NTN1: variants seen among roughly 807,000 people sequenced by gnomAD.
The protein encoded by NTN1 is netrin 1, also known as netrin-1.
A neutral mutation model predicts 54.2 loss-of-function variants in NTN1; 11 were observed. That is an observed-to-expected ratio of 0.20 (90% CI 0.13 to 0.34). NTN1 has a LOEUF of 0.34. Ranked by LOEUF, NTN1 falls within the 10% of genes least tolerant of loss-of-function variation. The pLI is 1.00. For synonymous variants in NTN1, 371 were observed against 382.0 expected (o/e 0.97, Z 0.33); for missense variants, 740 against 893.1 (o/e 0.83, Z 2.18).
intron 2 of NTN1, among the ~76,000 whole-genome samples, chr17:9,095,974 T>G (rs2092130833): frequency 6.6e-6 from 1 of 151,876 alleles, no homozygotes; most frequent in South Asian, 2.1e-4. Context: ...TTTTGTATTT[T>G]TTAGTAGAGA....
At chr17:9,162,597 T>C (rs1468570440) in intron 2 of NTN1, among the ~76,000 whole-genome samples, 3 of 152,202 alleles carry the variant, frequency 2.0e-5, no homozygotes, top group Non-Finnish European at 4.4e-5. Flanking sequence ...ATAAGAATTT[T>C]GGGAGAACCT....
chr17:9,217,369 T>C (rs1905238188), intron 5 of NTN1, among the ~76,000 whole-genome samples: 1 of 152,210 alleles, frequency 6.6e-6, no homozygotes, highest in South Asian at 2.1e-4. Context: ...GGCACTAGTG[T>C]GAATGTTCAG....
At chr17:9,234,746 G>A (rs776461867) in intron 6 of NTN1, among the ~76,000 whole-genome samples, 7 of 152,326 alleles carry the variant, frequency 4.6e-5, no homozygotes, top group Admixed American at 3.9e-4. Context: ...ACTCTGGGAC[G>A]CAGCCGTTGA....
chr17:9,123,930 C>T (rs1445951838), intron 2 of NTN1, among the ~76,000 whole-genome samples: 2 of 152,158 alleles, frequency 1.3e-5, no homozygotes, highest in Admixed American at 6.5e-5. Flanking sequence ...ACCGGGAGCG[C>T]TTACTGTCCT....
intron 2 of NTN1, among the ~76,000 whole-genome samples, chr17:9,072,484 T>A (rs929417234): frequency 2.0e-5 from 3 of 152,122 alleles, no homozygotes; most frequent in East Asian, 1.9e-4. Context: ...CAAAAAGCTT[T>A]GAGAGGTGGG....
intron 2 of NTN1, among the ~76,000 whole-genome samples, chr17:9,053,420 T>C (rs2142200769): frequency 6.6e-6 from 1 of 152,338 alleles, no homozygotes; most frequent in South Asian, 2.1e-4. Flanking sequence ...TTATTAGAAA[T>C]TAATCAATTA....
In NTN1 at chr17:9,227,575, A is replaced by G. The variant is rs1260595833; in HGVS notation, c.1486+6333A>G. On this transcript the variant is annotated intron_variant, in intron 6 of 6. Transcript: ENST00000173229. Reference sequence around the variant, plus strand: ...CAGGCACACACACTATCACACACACACATCACACACGCATGCATACACACA... The same window carrying G: ...CAGGCACACACACTATCACACACACGCATCACACACGCATGCATACACACA... 2.1e-5 allele frequency among the ~76,000 whole-genome samples: 3 copies of G among 141,956 alleles called. No homozygotes were observed. The East Asian group carries it at 6.4e-4, about 30-fold the overall frequency. The allele number at this position is 141,956 out of a possible 152,430, so 93.1% of individuals were successfully genotyped here. A position where few individuals can be genotyped will look rare whatever the true frequency, so the allele number is the denominator to read the frequency against.
chr17:9,017,526 C>T (rs2091834337), upstream of NTN1, among the ~76,000 whole-genome samples: 1 of 152,236 alleles, frequency 6.6e-6, no homozygotes. Flanking sequence ...TTTCCTCCTC[C>T]TCCTCTGGCT....
chr17:9,063,673 G>A (rs1426445643), intron 2 of NTN1, among the ~76,000 whole-genome samples: 1 of 151,880 alleles, frequency 6.6e-6, no homozygotes, highest in Non-Finnish European at 1.5e-5. Flanking sequence ...TCAGCCTCCC[G>A]AGTAGCTGGG....
chr17:9,003,351 C>T, the NTN1 span, among the ~76,000 whole-genome samples: 3 of 151,838 alleles, frequency 2.0e-5, no homozygotes, highest in Admixed American at 2.0e-4. This position sits in a 1 kb window ranked among gnomAD's most constrained non-coding sequence, Gnocchi z 7.4. Context: ...GCGGCCATCC[C>T]GGGCGGTGCG....
chr17:9,136,534 ACCACTG>A, intron 2 of NTN1, among the ~76,000 whole-genome samples: 1 of 152,216 alleles, frequency 6.6e-6, no homozygotes, highest in East Asian at 1.9e-4. Flanking sequence ...CCAAGATTGC[ACCACTG>A]CACTCCAGCC....
intron 5 of NTN1, among the ~76,000 whole-genome samples, chr17:9,190,615 G>A (rs189868282): frequency 8.9e-4 from 136 of 152,342 alleles, no homozygotes; most frequent in Non-Finnish European, 1.6e-3. Context: ...ACTTTGGGAG[G>A]CCGAGGTAGG....
chr17:9,199,133 TC>T (rs1904714311), intron 5 of NTN1, among the ~76,000 whole-genome samples: 1 of 152,228 alleles, frequency 6.6e-6, no homozygotes, highest in South Asian at 2.1e-4. Context: ...TATTTCTTTT[TC>T]TTTCTTTCTT....
At chr17:9,046,121 G>A (rs1272682167) in intron 2 of NTN1, among the ~76,000 whole-genome samples, 1 of 152,162 alleles carries the variant, frequency 6.6e-6, no homozygotes, top group South Asian at 2.1e-4. Flanking sequence ...CCATGGGATG[G>A]GGGAAAATAT....
intron 2 of NTN1, among the ~76,000 whole-genome samples, chr17:9,116,065 T>C (rs114395607): frequency 0.032 from 4,826 of 152,334 alleles, 273 homozygotes; most frequent in African/African-American, 0.11. Flanking sequence ...AAGCCGCCTG[T>C]GGGTGTCGTC....
intron 3 of NTN1, among the ~76,000 whole-genome samples, chr17:9,172,343 G>A (rs925739019): frequency 1.3e-5 from 2 of 152,110 alleles, no homozygotes; most frequent in African/African-American, 4.8e-5. Context: ...AGCTGGGCGT[G>A]GTGGTGGGTG....
chr17:9,206,443 A>G (rs546101820), intron 5 of NTN1, among the ~76,000 whole-genome samples: 3 of 151,908 alleles, frequency 2.0e-5, no homozygotes, highest in Non-Finnish European at 4.4e-5. Flanking sequence ...CGGCCACCCC[A>G]CCCCTGAGCC....
chr17:9,238,687 T>C (rs1053294437), intron 6 of NTN1, among the ~76,000 whole-genome samples: 6 of 152,256 alleles, frequency 3.9e-5, no homozygotes, highest in African/African-American at 1.4e-4. Flanking sequence ...CTCTTGACTT[T>C]GTTTAACCTA....
chr17:9,180,578 TGGGTG>T (rs2092415859), intron 4 of NTN1, among the ~76,000 whole-genome samples: 1 of 152,206 alleles, frequency 6.6e-6, no homozygotes. Context: ...ACCCTGGATC[TGGGTG>T]GGCCCATTCC....
Sources: allele counts gnomAD v4.1 joint callset (sites outside exome capture counted in the v4.1 genomes callset), GRCh38; gene constraint gnomAD v4.1.1; non-coding constraint Gnocchi (gnomAD v3.1); transcripts MANE v1.5; gene names NCBI Gene and HGNC (gene_info 2026-07-23, HGNC 2026-07-21).